Variants in EYS observed in about 807,000 individuals in gnomAD.
The protein encoded by EYS is protein eyes shut homolog.
Under a neutral mutation model 282.1 loss-of-function variants are expected in EYS, and 250 were observed. The ratio of observed to expected loss-of-function variants is 0.89; its 90% confidence interval spans 0.80 to 0.98. The LOEUF is 0.98. EYS is among the 50% of genes least tolerant of loss of function. The pLI, the probability that EYS is intolerant of heterozygous loss-of-function variation, is 0.00. For missense variants in EYS, 4,016 were observed against 3,709.0 expected (o/e 1.08, Z -2.15); for synonymous variants, 1,355 against 1,282.9 (o/e 1.06, Z -1.20).
chr6:65,122,640 T>C (rs982504063), intron 12 of EYS, among the ~76,000 whole-genome samples: 1 of 152,132 alleles, frequency 6.6e-6, no homozygotes, highest in African/African-American at 2.4e-5. Flanking sequence ...TGTCTTTTGA[T>C]GCCATAGTTT....
intron 22 of EYS, among the ~76,000 whole-genome samples, chr6:64,681,533 G>A (rs1454909689): frequency 1.3e-5 from 2 of 152,152 alleles, no homozygotes; most frequent in Non-Finnish European, 2.9e-5. Context: ...TGGGGCTGGC[G>A]AGGGCTCTTC....
intron 31 of EYS, among the ~76,000 whole-genome samples, chr6:64,140,324 C>T (rs949793414): frequency 1.3e-5 from 2 of 152,128 alleles, no homozygotes; most frequent in Non-Finnish European, 2.9e-5. Flanking sequence ...TTTGATGATA[C>T]TGAATTAATT....
intron 2 of EYS, among the ~76,000 whole-genome samples, chr6:65,518,256 T>TA (rs1245839727): frequency 6.6e-6 from 1 of 152,110 alleles, no homozygotes; most frequent in Non-Finnish European, 1.5e-5. Context: ...TTTACTTCTA[T>TA]AAAATTAACA....
chr6:65,172,074 A>G (rs1145942), intron 12 of EYS, among the ~76,000 whole-genome samples: 57,214 of 151,242 alleles, frequency 0.38, 12,090 homozygotes, highest in African/African-American at 0.57. Flanking sequence ...AAGAACAAAT[A>G]GTAAACTGAA....
In EYS at chr6:64,960,506, G is replaced by C. The variant is rs1265470383; in HGVS notation, c.2260-14592C>G. Among the ~76,000 whole-genome samples the C allele has an allele frequency of 2.6e-5, 4 of 152,012 alleles. No individual in the cohort carries two copies. The South Asian group carries it at 6.2e-4, about 24-fold the overall frequency. On this transcript the variant is annotated intron_variant, in intron 14 of 42. Coordinates refer to ENST00000503581, the MANE Select transcript of EYS (RefSeq NM_001142800.2). ...CAATATATATTCCAAATTATTTATA[G>C]GTTTTCCTTTTCATTTTCTACTTTT...
chr6:64,600,248 CA>C (rs1271680008), intron 24 of EYS, among the ~76,000 whole-genome samples: 6 of 38,250 alleles, frequency 1.6e-4, no homozygotes, highest in African/African-American at 5.3e-4. Flanking sequence ...ACTGTATGTC[CA>C]ATTCTCTCTA....
chr6:64,839,516 TAG>T (rs1191784736), intron 19 of EYS, among the ~76,000 whole-genome samples: 5 of 152,040 alleles, frequency 3.3e-5, no homozygotes, highest in Non-Finnish European at 7.4e-5. Flanking sequence ...GTTTTTAACA[TAG>T]AGAGTTGTAT....
At chr6:64,455,909 C>T (rs1775545077) in intron 26 of EYS, among the ~76,000 whole-genome samples, 1 of 152,092 alleles carries the variant, frequency 6.6e-6, no homozygotes. Flanking sequence ...TATGATTATA[C>T]TGTGAACAAC....
chr6:65,630,637 C>T (rs1234355322), intron 2 of EYS, among the ~76,000 whole-genome samples: 2 of 152,200 alleles, frequency 1.3e-5, no homozygotes, highest in African/African-American at 4.8e-5. Flanking sequence ...ATCTTGAAAA[C>T]TTGCAGAGTA....
intron 12 of EYS, among the ~76,000 whole-genome samples, chr6:65,157,185 A>G (rs933542142): frequency 1.3e-5 from 2 of 150,926 alleles, no homozygotes; most frequent in Non-Finnish European, 3.0e-5. Flanking sequence ...GGTTTAAATG[A>G]TCTTGGGAAA....
chr6:65,111,427 T>G (rs1044131236), intron 12 of EYS, among the ~76,000 whole-genome samples: 3 of 152,214 alleles, frequency 2.0e-5, no homozygotes, highest in Non-Finnish European at 4.4e-5. Context: ...AGACAAAATA[T>G]ATATTTATTA....
intron 12 of EYS, among the ~76,000 whole-genome samples, chr6:65,152,386 A>G (rs1369590246): frequency 6.6e-6 from 1 of 151,928 alleles, no homozygotes; most frequent in East Asian, 1.9e-4. Flanking sequence ...TGGAAATAGG[A>G]CTTTAAAGAG....
chr6:65,424,934 A>C (rs1320994231), intron 5 of EYS, among the ~76,000 whole-genome samples: 1 of 152,058 alleles, frequency 6.6e-6, no homozygotes, highest in Non-Finnish European at 1.5e-5. Flanking sequence ...GGCAAATAAT[A>C]AATGAAGCTA....
chr6:64,349,128 T>C (rs2061359129), intron 29 of EYS, among the ~76,000 whole-genome samples: 1 of 151,424 alleles, frequency 6.6e-6, no homozygotes, highest in African/African-American at 2.4e-5. Flanking sequence ...TATTGGAATA[T>C]ACGCTCAGTT....
intron 31 of EYS, among the ~76,000 whole-genome samples, chr6:64,145,174 A>G (rs942388260): frequency 6.6e-6 from 1 of 152,050 alleles, no homozygotes. Context: ...TTGCCTTTTA[A>G]TTTTCTTTTT....
intron 26 of EYS, among the ~76,000 whole-genome samples, chr6:64,532,287 T>C (rs866758900): frequency 6.6e-6 from 1 of 152,194 alleles, no homozygotes; most frequent in South Asian, 2.1e-4. Context: ...GACGTCATAA[T>C]CTCATTCTCA....
intron 34 of EYS, among the ~76,000 whole-genome samples, chr6:63,989,880 C>T (rs996859225): frequency 3.3e-5 from 5 of 151,398 alleles, no homozygotes; most frequent in African/African-American, 1.2e-4. Context: ...GTAGCTCACA[C>T]AAGGTTATTT....
At chr6:64,509,183 G>A (rs766579080) in intron 26 of EYS, among the ~76,000 whole-genome samples, 3 of 151,960 alleles carry the variant, frequency 2.0e-5, no homozygotes, top group Non-Finnish European at 4.4e-5. Context: ...CTTTTAAAAG[G>A]CATTATAGTT....
chr6:63,725,144 A>G (rs1768562376), intron 42 of EYS, among the ~76,000 whole-genome samples: 1 of 152,142 alleles, frequency 6.6e-6, no homozygotes, highest in Admixed American at 6.5e-5. Context: ...TTTCTTATAT[A>G]AGTGTCAAAT....
Sources: allele counts gnomAD v4.1 joint callset (sites outside exome capture counted in the v4.1 genomes callset), GRCh38; gene constraint gnomAD v4.1.1; transcripts MANE v1.5; gene names NCBI Gene and HGNC (gene_info 2026-07-23, HGNC 2026-07-21).